The following NXPH2 variants were observed in gnomAD, a reference collection of about 807,000 sequenced individuals.
NXPH2 encodes neurexophilin 2.
A neutral mutation model predicts 19.8 loss-of-function variants in NXPH2; 5 were observed. The ratio of observed to expected loss-of-function variants is 0.25; its 90% CI spans 0.13 to 0.53. The LOEUF (loss-of-function observed/expected upper bound fraction) is 0.53. Ranked by LOEUF, NXPH2 falls within the 20% of genes least tolerant of loss-of-function variation. The probability of loss-of-function intolerance (pLI) is 0.96; values close to 1 mark genes in which losing one functional copy is unlikely to be tolerated. For synonymous variants in NXPH2, 154 were observed against 127.4 expected, an observed-to-expected ratio of 1.21 and a Z score of -1.41; for missense variants, 289 against 322.8, an observed-to-expected ratio of 0.90 and a Z score of 0.80.
rs140146406 is a variant in NXPH2, at chr2:138,740,617, C to A, written c.51+39574G>T. On this transcript the variant is annotated intron_variant, in intron 1 of 1. Transcript: ENST00000272641. ...AAACAGAGTTATAATTATATGAAGG[C>A]AATTCTGAGGATGCCATATGCTACA... is the stretch of plus-strand genomic sequence containing the variant. Among the ~76,000 whole-genome samples, 646 of 152,200 alleles carry A rather than the reference C, an allele frequency of 4.2e-3. 4 individuals are homozygous for A. The highest frequency in any genetic ancestry group is 0.041 in the Middle Eastern group (12 of 294).
intron 1 of NXPH2, among the ~76,000 whole-genome samples, chr2:138,754,296 A>G (rs931317817): frequency 6.6e-6 from 1 of 152,154 alleles, no homozygotes; most frequent in Non-Finnish European, 1.5e-5. Flanking sequence ...ATCATATAGA[A>G]TAGTTTCACC....
At chr2:138,722,011 C>G (rs570901429) in intron 1 of NXPH2, among the ~76,000 whole-genome samples, 3 of 152,178 alleles carry the variant, frequency 2.0e-5, no homozygotes, top group Non-Finnish European at 4.4e-5. Context: ...GACAGTCAGA[C>G]TGGGAGTTGA....
intron 1 of NXPH2, among the ~76,000 whole-genome samples, chr2:138,729,860 G>A (rs1376688687): frequency 1.3e-5 from 2 of 152,132 alleles, no homozygotes; most frequent in Non-Finnish European, 2.9e-5. Context: ...GTCTTCTTTG[G>A]TCAATAGGGT....
intron 1 of NXPH2, among the ~76,000 whole-genome samples, chr2:138,767,992 C>A (rs1682117929): frequency 6.6e-6 from 1 of 152,090 alleles, no homozygotes; most frequent in Non-Finnish European, 1.5e-5. Flanking sequence ...CTATTATTTT[C>A]AGCCTTCTCC....
chr2:138,736,338 A>C (rs1681537914), intron 1 of NXPH2, among the ~76,000 whole-genome samples: 2 of 152,214 alleles, frequency 1.3e-5, no homozygotes, highest in African/African-American at 4.8e-5. Context: ...AGAGGTTTCC[A>C]AACCTCAATT....
intron 1 of NXPH2, among the ~76,000 whole-genome samples, chr2:138,753,080 A>C (rs1005348153): frequency 6.6e-6 from 1 of 152,174 alleles, no homozygotes; most frequent in Non-Finnish European, 1.5e-5. Context: ...GCCCACGCTT[A>C]AGTTATGTTT....
intron 1 of NXPH2, among the ~76,000 whole-genome samples, chr2:138,719,992 A>G (rs1469448888): frequency 6.6e-6 from 1 of 152,156 alleles, no homozygotes; most frequent in African/African-American, 2.4e-5. Context: ...GTACCACCTC[A>G]TTATTCTTTT....
intron 1 of NXPH2, among the ~76,000 whole-genome samples, chr2:138,673,915 C>T (rs1680449125): frequency 6.6e-6 from 1 of 152,034 alleles, no homozygotes. Flanking sequence ...AGTTTTTTAG[C>T]TCTTACATAT....
chr2:138,681,432 G>T (rs989141675), intron 1 of NXPH2, among the ~76,000 whole-genome samples: 4 of 152,144 alleles, frequency 2.6e-5, no homozygotes, highest in African/African-American at 9.7e-5. Flanking sequence ...AATATAAAGT[G>T]TTATGTCTTT....
At chr2:138,725,026 T>C (rs1681338055) in intron 1 of NXPH2, among the ~76,000 whole-genome samples, 3 of 152,208 alleles carry the variant, frequency 2.0e-5, no homozygotes, top group African/African-American at 7.2e-5. Flanking sequence ...ATTTTCTGCA[T>C]TAACAAATGG....
At chr2:138,695,553 CA>C (rs1464267293) in intron 1 of NXPH2, among the ~76,000 whole-genome samples, 2 of 151,962 alleles carry the variant, frequency 1.3e-5, no homozygotes, top group Non-Finnish European at 2.9e-5. Context: ...AAAAACTCCA[CA>C]AATTTTTTTG....
rs116297977 is a variant in NXPH2 at position 138,719,527 on chromosome 2, G to T, written c.52-47862C>A. On this transcript the variant is annotated intron_variant, in intron 1 of 1. Transcript: ENST00000272641. ...ATTACAAAGGTAATTTTCTTAAAAA[G>T]TAAGAAAAGCAAGTATATGAATGTA... Among the ~76,000 whole-genome samples, 955 of 152,152 alleles carry T rather than the reference G, an allele frequency of 6.3e-3. 11 individuals are homozygous for T. The highest frequency in any genetic ancestry group is 0.021 in the African/African-American group (873 of 41,502).
intron 1 of NXPH2, among the ~76,000 whole-genome samples, chr2:138,753,517 G>T (rs191989929): frequency 6.6e-6 from 1 of 152,118 alleles, no homozygotes; most frequent in Non-Finnish European, 1.5e-5. Context: ...CATGCTCATT[G>T]CTACTGGAGT....
rs1680399556 is a variant in NXPH2 at position 138,670,657 on chromosome 2, A to C, written c.*265T>G. On this transcript the variant is annotated 3_prime_UTR_variant, in exon 2 of 2. Transcript: ENST00000272641. ...TGATGTTTCTTTCAGAGAAACAATA[A>C]GATTTCTAGAACTTAGTCATCTTGC... is the stretch of plus-strand genomic sequence containing the variant. 1 of 315,624 alleles carries C rather than the reference A, an allele frequency of 3.2e-6. No homozygotes were observed. Among genetic ancestry groups the C allele is most frequent in the Non-Finnish European group, 5.8e-6 (1 of 173,358 alleles). The allele number at this position is 315,624 out of a possible 1,614,324, so 19.6% of individuals were successfully genotyped here.
At chr2:138,710,697 G>A (rs1157305216) in intron 1 of NXPH2, among the ~76,000 whole-genome samples, 1 of 152,032 alleles carries the variant, frequency 6.6e-6, no homozygotes, top group African/African-American at 2.4e-5. Flanking sequence ...CCACTCTCAG[G>A]CCTACAGTTC....
chr2:138,671,734 A>AAAGCGCAAGGGAAATTATTTCAACATTGT, intron 1 of NXPH2, 69 bp from the exon 2 acceptor site: 1 of 1,438,186 alleles, frequency 7.0e-7, no homozygotes, highest in East Asian at 2.3e-5. Context: ...AACTGAAGTC[A>AAAGCGCAAGGGAAATTATTTCAACATTGT]AAGCGCAAGG....
chr2:138,762,561 G>A (rs1452032193), intron 1 of NXPH2, among the ~76,000 whole-genome samples: 2 of 152,058 alleles, frequency 1.3e-5, no homozygotes, highest in Admixed American at 1.3e-4. Flanking sequence ...TATCAATTCT[G>A]GTCTACTAAC....
At chr2:138,672,705 G>A (rs1451997444) in intron 1 of NXPH2, among the ~76,000 whole-genome samples, 2 of 152,180 alleles carry the variant, frequency 1.3e-5, no homozygotes, top group Non-Finnish European at 2.9e-5. Flanking sequence ...AAAACTGTCA[G>A]CACGATGAAA....
intron 1 of NXPH2, among the ~76,000 whole-genome samples, chr2:138,697,841 T>C (rs1351065442): frequency 2.0e-5 from 3 of 152,066 alleles, no homozygotes; most frequent in South Asian, 2.1e-4. Flanking sequence ...ACTAATTAAG[T>C]ACATAAACAA....
Sources: gnomAD v4.1 joint callset for allele counts (sites outside exome capture counted in the v4.1 genomes callset) on GRCh38, gnomAD v4.1.1 for gene constraint, MANE v1.5 for transcripts, NCBI Gene and HGNC (gene_info 2026-07-23, HGNC 2026-07-21) for gene names.